Variants in GABRA3 observed in about 807,000 individuals in gnomAD.
GABRA3 encodes the protein gamma-aminobutyric acid type A receptor subunit alpha3.
In GABRA3, 10 loss-of-function variants were observed where a neutral mutation model predicts 30.1. The ratio of observed to expected loss-of-function variants is 0.33; its 90% confidence interval spans 0.20 to 0.56. The LOEUF (loss-of-function observed/expected upper bound fraction) is 0.56. Ranked by LOEUF, GABRA3 falls within the 20% of genes least tolerant of loss-of-function variation. The pLI is 0.89. For synonymous variants in GABRA3, 151 were observed against 146.8 expected (o/e 1.03, Z -0.21); for missense variants, 233 against 392.0 (o/e 0.59, Z 3.42).
At chrX:152,203,221 C>G (rs1937506364) in intron 7 of GABRA3, among the ~76,000 whole-genome samples, 1 of 111,813 alleles carries the variant, frequency 8.9e-6, no homozygotes, top group African/African-American at 3.3e-5. Flanking sequence ...CTTCCATAGG[C>G]ACAATGACTG....
intron 1 of GABRA3, among the ~76,000 whole-genome samples, chrX:152,434,163 A>G (rs1474553053): frequency 1.8e-5 from 2 of 111,228 alleles, no homozygotes; most frequent in African/African-American, 6.5e-5. Context: ...GGAGATTAAC[A>G]TTTGAGTCAG....
chrX:152,327,568 C>T (rs763042703), intron 3 of GABRA3, among the ~76,000 whole-genome samples: 1 of 112,070 alleles, frequency 8.9e-6, no homozygotes, highest in Admixed American at 9.5e-5. Flanking sequence ...CGCTCAACTA[C>T]ATGGAAACTG....
intron 1 of GABRA3, among the ~76,000 whole-genome samples, chrX:152,412,377 C>T (rs1930096039): frequency 9.0e-6 from 1 of 111,677 alleles, no homozygotes; most frequent in African/African-American, 3.3e-5. Context: ...ACATGAATGT[C>T]ATAGCAGTAC....
At chrX:152,341,287 A>G (rs1940308035) in intron 3 of GABRA3, among the ~76,000 whole-genome samples, 1 of 111,232 alleles carries the variant, frequency 9.0e-6, no homozygotes, top group Admixed American at 9.6e-5. Context: ...GTTGATGGGC[A>G]CTTAGGTTGG....
At chrX:152,282,654 A>C (rs1392581856) in intron 4 of GABRA3, among the ~76,000 whole-genome samples, 1 of 111,834 alleles carries the variant, frequency 8.9e-6, no homozygotes, top group African/African-American at 3.2e-5. Context: ...AGAAAGTCCC[A>C]ATTGTTAGAA....
intron 1 of GABRA3, among the ~76,000 whole-genome samples, chrX:152,418,404 G>A (rs1453515403): frequency 9.0e-6 from 1 of 111,287 alleles, no homozygotes. Flanking sequence ...TGGAAATTAA[G>A]CAAATTAATT....
intron 1 of GABRA3, among the ~76,000 whole-genome samples, chrX:152,416,093 C>A (rs1034463933): frequency 1.9e-5 from 2 of 106,186 alleles, no homozygotes; most frequent in African/African-American, 6.9e-5. Flanking sequence ...TCCCTGTTTG[C>A]AGATGACATG....
chrX:152,240,093 T>C (rs149250281), intron 5 of GABRA3, among the ~76,000 whole-genome samples: 14,033 of 97,453 alleles, frequency 0.14, 974 homozygotes, highest in Admixed American at 0.22. Flanking sequence ...CTAGTCTCGA[T>C]GGTCTTTACA....
At chrX:152,343,723 T>C (rs1940349376) in intron 3 of GABRA3, among the ~76,000 whole-genome samples, 2 of 112,165 alleles carry the variant, frequency 1.8e-5, no homozygotes, top group South Asian at 7.2e-4. Flanking sequence ...AGGCGTTACA[T>C]AGCCTTAGTC....
At chrX:152,278,229 A>G (rs1213251189) in intron 4 of GABRA3, among the ~76,000 whole-genome samples, 18 of 109,023 alleles carry the variant, frequency 1.7e-4, no homozygotes, top group Non-Finnish European at 3.4e-4. Context: ...ATTTAACATT[A>G]GGTATATCTC....
At chrX:152,230,543 T>G (rs1162277872) in intron 5 of GABRA3, among the ~76,000 whole-genome samples, 1 of 111,194 alleles carries the variant, frequency 9.0e-6, no homozygotes, top group Non-Finnish European at 1.9e-5. Context: ...AAAAAAATCA[T>G]GAGTACTTAC....
chrX:152,305,809 T>C (rs777582354), intron 3 of GABRA3, among the ~76,000 whole-genome samples: 32 of 111,283 alleles, frequency 2.9e-4, no homozygotes, highest in Non-Finnish European at 5.7e-4. Context: ...CCCATTCAAA[T>C]GAGCCTACAT....
chrX:152,258,772 A>T (rs147422459), intron 4 of GABRA3, among the ~76,000 whole-genome samples: 1 of 111,917 alleles, frequency 8.9e-6, no homozygotes, highest in South Asian at 3.7e-4. Context: ...GACAATAAAA[A>T]TACACTTTGA....
intron 1 of GABRA3, among the ~76,000 whole-genome samples, chrX:152,433,532 T>C (rs1930699426): frequency 9.2e-6 from 1 of 109,218 alleles, no homozygotes; most frequent in African/African-American, 3.3e-5. Flanking sequence ...GCTTAAAAAG[T>C]GCAGATAGGG....
intron 4 of GABRA3, among the ~76,000 whole-genome samples, chrX:152,282,091 T>C (rs1446258399): frequency 8.9e-6 from 1 of 112,179 alleles, no homozygotes; most frequent in Non-Finnish European, 1.9e-5. Context: ...AGGGCCAGTG[T>C]TTGGCCAAGG....
chrX:152,339,703 T>C (rs1323612708), intron 3 of GABRA3, among the ~76,000 whole-genome samples: 2 of 111,572 alleles, frequency 1.8e-5, no homozygotes, highest in African/African-American at 6.5e-5. Context: ...TTCTGTCTAC[T>C]TGTTCCATTA....
intron 7 of GABRA3, among the ~76,000 whole-genome samples, chrX:152,201,086 G>C (rs1937477951): frequency 8.9e-6 from 1 of 112,440 alleles, no homozygotes; most frequent in Admixed American, 9.4e-5. Context: ...TCACAACTTA[G>C]ATCATTTCTA....
intron 1 of GABRA3, among the ~76,000 whole-genome samples, chrX:152,441,485 C>T (rs762323862): frequency 7.2e-5 from 8 of 111,345 alleles, no homozygotes; most frequent in African/African-American, 1.6e-4. Context: ...TTGATAATTT[C>T]GTTTTAAAAT....
At chrX:152,241,621 G>A (rs7877228) in intron 5 of GABRA3, among the ~76,000 whole-genome samples, 27,273 of 108,653 alleles carry the variant, frequency 0.25, 3,317 homozygotes, top group African/African-American at 0.41. Context: ...CTGCTTTGCA[G>A]TTTGATCTCA....
Sources: allele counts gnomAD v4.1 joint callset (sites outside exome capture counted in the v4.1 genomes callset), GRCh38; gene constraint gnomAD v4.1.1; transcripts MANE v1.5; gene names NCBI Gene and HGNC (gene_info 2026-07-23, HGNC 2026-07-21).